EXOC7: variants seen among roughly 807,000 people sequenced by gnomAD.
EXOC7 encodes exocyst complex component Exo70.
Under a neutral mutation model 87.6 loss-of-function variants are expected in EXOC7, and 51 were observed. That is an observed-to-expected ratio of 0.58 (90% CI 0.46 to 0.73). The LOEUF is 0.73. EXOC7 is among the 30% of genes least tolerant of loss of function. The pLI is 0.00. For missense variants in EXOC7, 744 were observed against 888.4 expected (o/e 0.84, Z 2.07); for synonymous variants, 327 against 357.1 (o/e 0.92, Z 0.95).
At chr17:76,086,205 C>A (rs2067205791) in intron 12 of EXOC7, 60 bp from the exon 13 acceptor site, 6 of 1,517,494 alleles carry the variant, frequency 4.0e-6, no homozygotes, top group South Asian at 2.3e-5. Context: ...AACGGCCCTT[C>A]CCCCAGGCCA....
Position 76,081,168 on chromosome 17 carries a change from C to A in EXOC7, c.*2480G>T. On this transcript the variant is annotated 3_prime_UTR_variant, in exon 19 of 19. Transcript: ENST00000589210. Reference sequence around the variant, plus strand: ...GGTTTTGTGTCCAAGTCTGTCCCTGCCAAAAGCCATCAAAAGTCTCCATCA... The same window carrying A: ...GGTTTTGTGTCCAAGTCTGTCCCTGACAAAAGCCATCAAAAGTCTCCATCA... The A allele has an allele frequency of 6.7e-7, 1 of 1,489,818 alleles. No homozygotes were observed. The highest frequency in any genetic ancestry group is 9.1e-7 in the Non-Finnish European group (1 of 1,098,544). 92.3% of individuals were successfully genotyped at this position (1,489,818 alleles called of 1,614,324 possible).
chr17:76,090,505 C>CAGATGG (rs1295714783), intron 7 of EXOC7: 3 of 1,549,022 alleles, frequency 1.9e-6, no homozygotes, highest in Non-Finnish European at 2.6e-6. Flanking sequence ...AGGGGGACGT[C>CAGATGG]AGATGGGGAT....
At chr17:76,084,374 G>A in intron 16 of EXOC7, 85 bp from the exon 17 acceptor site, 2 of 1,597,106 alleles carry the variant, frequency 1.3e-6, no homozygotes, top group Non-Finnish European at 1.7e-6. Flanking sequence ...CCCTTGGTCT[G>A]GGCCTGTCTC....
intron 7 of EXOC7, chr17:76,090,370 T>C: frequency 6.4e-7 from 1 of 1,551,570 alleles, no homozygotes; most frequent in Non-Finnish European, 8.7e-7. Context: ...CTCGGACAGG[T>C]GCTTAACTCG....
chr17:76,098,823 G>A (rs969971094), intron 4 of EXOC7, among the ~76,000 whole-genome samples: 7 of 147,924 alleles, frequency 4.7e-5, no homozygotes, highest in African/African-American at 1.0e-4. Context: ...CCAAGATTGC[G>A]TCACTGCACT....
chr17:76,100,098 C>G (rs555758420), intron 4 of EXOC7, among the ~76,000 whole-genome samples: 3 of 151,834 alleles, frequency 2.0e-5, no homozygotes, highest in Admixed American at 6.6e-5. Context: ...CAGATCCTGT[C>G]TCTTAAGATA....
chr17:76,081,968 C>T lies in EXOC7; in HGVS notation c.*1680G>A, dbSNP rs2066999975. 1 of 1,612,806 alleles carries T rather than the reference C, an allele frequency of 6.2e-7. No individual in the cohort carries two copies. The highest frequency in any genetic ancestry group is 8.5e-7 in the Non-Finnish European group (1 of 1,179,848). The stretch of plus-strand genomic sequence containing the variant: ...GGCTGGGCTGCTGGCCCGGGGCAAC[C>T]TTGGGGCCAAGAGCGGCCCCAGCCC... On this transcript the variant is annotated 3_prime_UTR_variant, in exon 19 of 19. Coordinates refer to ENST00000589210, the MANE Select transcript of EXOC7 (RefSeq NM_001013839.4).
chr17:76,081,218 C>G lies in EXOC7; in HGVS notation c.*2430G>C, dbSNP rs2144562098. On this transcript the variant is annotated 3_prime_UTR_variant, in exon 19 of 19. Transcript: ENST00000589210. Reference sequence around the variant, plus strand: ...ACCCCTGGGCTCCAGTCTGCTACCCCCAGACTTGGCAGCTGGGATCTCTCC... The same window carrying G: ...ACCCCTGGGCTCCAGTCTGCTACCCGCAGACTTGGCAGCTGGGATCTCTCC... 6.2e-7 allele frequency: 1 copy of G among 1,603,074 alleles called. No homozygotes were observed.
rs1392932277 is a variant in EXOC7 at position 76,101,067 on chromosome 17, TAAC to T, written c.417+201_417+203del. On this transcript the variant is annotated intron_variant, in intron 4 of 18. Transcript: ENST00000589210. The stretch of plus-strand genomic sequence containing the variant: ...TTATAATTTAATTTTTATAATACAT[TAAC>T]AAGTTTTATAATAAAGAATTTTTAA... 3.3e-5 allele frequency: 30 copies of T among 913,556 alleles called. No individual in the cohort carries two copies. The East Asian group carries it at 6.5e-4, about 20-fold the overall frequency. The allele number at this position is 913,556 out of a possible 1,614,324, so 56.6% of individuals were successfully genotyped here. A position where few individuals can be genotyped will look rare whatever the true frequency, so the allele number is the denominator to read the frequency against.
At chr17:76,086,868 G>A in intron 12 of EXOC7, 2 of 1,551,374 alleles carry the variant, frequency 1.3e-6, no homozygotes, top group Non-Finnish European at 1.7e-6. Flanking sequence ...GGGGTCTAAA[G>A]GAATATTGTA....
intron 7 of EXOC7, chr17:76,090,312 T>G (rs932815479): frequency 6.5e-7 from 1 of 1,549,576 alleles, no homozygotes; most frequent in African/African-American, 1.4e-5. Flanking sequence ...GCCCTCGGGC[T>G]GGGCTGCGGT....
Position 76,101,874 on chromosome 17 carries a change from G to A in EXOC7, c.127-11C>T. On this transcript the variant is annotated splice_polypyrimidine_tract_variant and intron_variant, in intron 2 of 18. Coordinates refer to ENST00000589210, the MANE Select transcript of EXOC7 (RefSeq NM_001013839.4). ...TGATAAGATAGACACCTGCGGGAGG[G>A]AAGCCTCTTGATCTTGGGACTCACA... 6.2e-7 allele frequency: 1 copy of A among 1,603,832 alleles called. No individual in the cohort carries two copies. The highest frequency in any genetic ancestry group is 8.5e-7 in the Non-Finnish European group (1 of 1,174,678).
In EXOC7 at chr17:76,089,197, T is replaced by G. The variant is rs1364649557; in HGVS notation, c.1025A>C (p.Lys342Thr). Residue 342 changes from lysine (K) to threonine (T), a missense_variant, in exon 8 of 19, where the codon AAG becomes ACG. Physicochemically the swap from Lys to Thr is moderately conservative, Grantham distance 78. Around this residue, in one of 3 missense-constraint regions of EXOC7, gnomAD observed 512 missense variants for 573.0 expected, o/e 0.89. Coordinates refer to ENST00000589210, the MANE Select transcript of EXOC7 (RefSeq NM_001013839.4). ...GACCTGTATCAGGGAGTCGAAGGTC[T>G]TCTTCTGGTGGTGCTCGGGGATGAT... ...ADIIPEHHQKKTFDSLIQDAL... is the reference protein window; with the variant it reads ...ADIIPEHHQKTTFDSLIQDAL... The G allele has an allele frequency of 1.2e-6, 2 of 1,613,702 alleles. No homozygotes were observed. Among genetic ancestry groups the G allele is most frequent in the Non-Finnish European group, 1.7e-6 (2 of 1,180,006 alleles).
intron 6 of EXOC7, chr17:76,093,230 A>C (rs2665981): frequency 1.3e-5 from 2 of 152,268 alleles, no homozygotes; most frequent in African/African-American, 4.8e-5. Flanking sequence ...TGCTCCATCC[A>C]CTGTGCAGGC....
intron 2 of EXOC7, 140 bp from the exon 3 acceptor site, chr17:76,102,003 T>G: frequency 1.6e-6 from 1 of 612,294 alleles, no homozygotes; most frequent in Middle Eastern, 4.6e-4. Context: ...GGTGTACCTG[T>G]TCCCCACTGT....
chr17:76,085,221 C>G lies in EXOC7; in HGVS notation c.1712+93G>C, dbSNP rs1300622642. 4 of 1,059,512 alleles carry G rather than the reference C, an allele frequency of 3.8e-6. No individual in the cohort carries two copies. In the African/African-American group the frequency reaches 6.3e-5, roughly 17 times the overall value. 65.6% of individuals were successfully genotyped at this position (1,059,512 alleles called of 1,614,324 possible). A position where few individuals can be genotyped will look rare whatever the true frequency, so the allele number is the denominator to read the frequency against. On this transcript the variant is annotated intron_variant, in intron 15 of 18. Transcript: ENST00000589210. ...TTAGGGTCCAGAGGACAGGAGTTCC[C>G]CGTGACCGACTCTGTGTCCTGAGGT...
At chr17:76,088,038 G>C (rs116675974) in intron 11 of EXOC7, 22 bp downstream of exon 11, 1 of 1,613,610 alleles carries the variant, frequency 6.2e-7, no homozygotes, top group African/African-American at 1.3e-5. Flanking sequence ...CCCTCTCCCT[G>C]GTGTCCTCAG....
intron 6 of EXOC7, 86 bp from the exon 7 acceptor site, chr17:76,091,321 A>AG (rs2067471441): frequency 9.1e-7 from 1 of 1,103,564 alleles, no homozygotes; most frequent in South Asian, 1.3e-5. Flanking sequence ...CCTGCCCCCC[A>AG]GGCCCCGCAC....
At chr17:76,097,502 A>C (rs1443778270) in intron 5 of EXOC7, among the ~76,000 whole-genome samples, 2 of 151,968 alleles carry the variant, frequency 1.3e-5, no homozygotes, top group African/African-American at 2.4e-5. Flanking sequence ...TCAGAAGTTC[A>C]AGACCAGCCT....
Sources: gnomAD v4.1 joint callset for allele counts (sites outside exome capture counted in the v4.1 genomes callset) on GRCh38, gnomAD v4.1.1 for gene constraint, gnomAD v4.1.1 regional missense constraint, MANE v1.5 for transcripts, NCBI Gene and HGNC (gene_info 2026-07-23, HGNC 2026-07-21) for gene names.